SLC6A3: variants seen among roughly 807,000 people sequenced by gnomAD.
The protein encoded by SLC6A3 is solute carrier family 6 member 3.
In SLC6A3, 19 loss-of-function variants were observed where a neutral mutation model predicts 70.4. The observed-to-expected ratio is 0.27, with a 90% CI of 0.19 to 0.40. SLC6A3 has a LOEUF of 0.40. Among genes scored for constraint, SLC6A3 ranks in the 10% least tolerant of loss-of-function variants. The pLI is 1.00. For missense variants in SLC6A3, 613 were observed against 838.5 expected, an observed-to-expected ratio of 0.73 and a Z score of 3.32; for synonymous variants, 368 against 356.6, an observed-to-expected ratio of 1.03 and a Z score of -0.36.
chr5:1,416,237 G>T, intron 6 of SLC6A3, 36 bp from the exon 7 acceptor site: 1 of 1,526,220 alleles, frequency 6.6e-7, no homozygotes, highest in Non-Finnish European at 9.0e-7. Flanking sequence ...GCTGTCCCAG[G>T]AGAACGCAGG....
At chr5:1,444,815 C>T (rs1733759506) in intron 1 of SLC6A3, among the ~76,000 whole-genome samples, 1 of 152,214 alleles carries the variant, frequency 6.6e-6, no homozygotes, top group Non-Finnish European at 1.5e-5. Context: ...CGTCCTTCCT[C>T]ACCGCGCCCA....
At position 1,394,625 on chromosome 5, in the gene SLC6A3, G is replaced by T. The variant is rs1311885327; in HGVS notation, c.*110C>A. ...CTTTGTTGTTTGTGTTTTCAGTAGA[G>T]GTTGAAGAGTAGAAGTTGCCCTCCT... is the stretch of plus-strand genomic sequence containing the variant. On this transcript the variant is annotated 3_prime_UTR_variant, in exon 15 of 15. Coordinates refer to ENST00000270349, the MANE Select transcript of SLC6A3 (RefSeq NM_001044.5). This position sits in a 1 kb window ranked among gnomAD's most constrained non-coding sequence, Gnocchi z 4.7. 8 of 1,030,934 alleles carry T rather than the reference G, an allele frequency of 7.8e-6. No individual in the cohort carries two copies. The East Asian group carries it at 1.9e-4, about 24-fold the overall frequency. 63.9% of individuals were successfully genotyped at this position (1,030,934 alleles called of 1,614,324 possible). A position where few individuals can be genotyped will look rare whatever the true frequency, so the allele number is the denominator to read the frequency against.
rs777317571 is a variant in SLC6A3, at chr5:1,409,114, G to A, written c.1410C>T (p.Tyr470=). The A allele has an allele frequency of 3.5e-5, 57 of 1,610,138 alleles. No individual in the cohort carries two copies. In the East Asian group the frequency reaches 3.6e-4, roughly 10 times the overall value. Residue 470 remains tyrosine (Y), a synonymous_variant, in exon 11 of 15, where the codon TAC becomes TAT. Coordinates refer to ENST00000270349, the MANE Select transcript of SLC6A3 (RefSeq NM_001044.5). ...SLFCVTNGGI[Y]VFTLLDHFAA... ...CAAAATGGTCCAGGAGCGTGAAGAC[G>A]TAGATGCCACCCTGGAAGAGAGGGG... is the stretch of plus-strand genomic sequence containing the variant.
At chr5:1,425,815 A>G (rs1163357474) in intron 4 of SLC6A3, among the ~76,000 whole-genome samples, 1 of 152,220 alleles carries the variant, frequency 6.6e-6, no homozygotes, top group East Asian at 1.9e-4. Context: ...AAAACTCAAC[A>G]ACAAAAAAAC....
chr5:1,418,105 G>A (rs1756349784), intron 6 of SLC6A3, among the ~76,000 whole-genome samples: 1 of 152,188 alleles, frequency 6.6e-6, no homozygotes, highest in African/African-American at 2.4e-5. Context: ...TGGGCAGTGG[G>A]TGGAGAGGCT....
rs538556315 is a variant in SLC6A3 at position 1,397,506 on chromosome 5, C to A, written c.1840-2748G>T. Among the ~76,000 whole-genome samples the A allele has an allele frequency of 6.6e-6, 1 of 152,132 alleles. No homozygotes were observed. The highest frequency in any genetic ancestry group is 1.5e-5 in the Non-Finnish European group (1 of 68,036). Reference sequence around the variant, plus strand: ...ACACTCCGCAGTGAACCCGAGACACCGAAAGCAGAAGAAACTCGGCCGAGT... The same window carrying A: ...ACACTCCGCAGTGAACCCGAGACACAGAAAGCAGAAGAAACTCGGCCGAGT... On this transcript the variant is annotated intron_variant, in intron 14 of 14. Transcript: ENST00000270349. This position sits in a 1 kb window ranked among gnomAD's most constrained non-coding sequence, Gnocchi z 4.7.
rs910275128 is a variant in SLC6A3, at chr5:1,405,641, T to C, written c.1599+547A>G. 2.0e-5 allele frequency among the ~76,000 whole-genome samples: 3 copies of C among 151,982 alleles called. No individual in the cohort carries two copies. Among genetic ancestry groups the C allele is most frequent in the Non-Finnish European group, 4.4e-5 (3 of 68,000 alleles). On this transcript the variant is annotated intron_variant, in intron 12 of 14. Coordinates refer to ENST00000270349, the MANE Select transcript of SLC6A3 (RefSeq NM_001044.5). This position sits in a 1 kb window ranked among gnomAD's most constrained non-coding sequence, Gnocchi z 5.3. Reference sequence around the variant, plus strand: ...GTGTGCGGCCACCTTCCAACAAAACTCTATTTACAAACACCAGCGTCCGAC... The same window carrying C: ...GTGTGCGGCCACCTTCCAACAAAACCCTATTTACAAACACCAGCGTCCGAC...
At chr5:1,432,413 G>T in intron 4 of SLC6A3, 51 bp downstream of exon 4, 2 of 1,397,982 alleles carry the variant, frequency 1.4e-6, no homozygotes, top group South Asian at 1.2e-5. Context: ...CTACCATGGG[G>T]GACCTGGCTG....
At chr5:1,427,533 T>C (rs1408405298) in intron 4 of SLC6A3, among the ~76,000 whole-genome samples, 2 of 152,204 alleles carry the variant, frequency 1.3e-5, no homozygotes, top group African/African-American at 4.8e-5. Flanking sequence ...CTGACAATTA[T>C]TGAATGGAAA....
At chr5:1,439,691 T>C (rs927650217) in intron 3 of SLC6A3, among the ~76,000 whole-genome samples, 11 of 152,252 alleles carry the variant, frequency 7.2e-5, no homozygotes, top group Non-Finnish European at 1.3e-4. Flanking sequence ...CCAGAACTTC[T>C]ATGAGTATCC....
rs760878499 is a variant in SLC6A3, at chr5:1,401,329, T to A, written c.1768-343A>T. 9 of 530,970 alleles carry A rather than the reference T, an allele frequency of 1.7e-5. No individual in the cohort carries two copies. The highest frequency in any genetic ancestry group is 1.4e-4 in the South Asian group (9 of 64,884). 32.9% of individuals were successfully genotyped at this position (530,970 alleles called of 1,614,324 possible). A position where few individuals can be genotyped will look rare whatever the true frequency, so the allele number is the denominator to read the frequency against. ...GTCTAAGCTACCACGTGTGCTGGGC[T>A]CTGAGTAAGAAAGTGCCCACACCCA... On this transcript the variant is annotated intron_variant, in intron 13 of 14. Transcript: ENST00000270349. This position sits in a 1 kb window ranked among gnomAD's most constrained non-coding sequence, Gnocchi z 6.1.
rs1560901506 is a variant in SLC6A3, at chr5:1,393,613, ACGC to A, written c.*1119_*1121del. The A allele has an allele frequency of 2.1e-5, 3 of 140,026 alleles. No homozygotes were observed. The highest frequency in any genetic ancestry group is 8.1e-5 in the African/African-American group (3 of 36,828). 8.7% of individuals were successfully genotyped at this position (140,026 alleles called of 1,614,324 possible). A position where few individuals can be genotyped will look rare whatever the true frequency, so the allele number is the denominator to read the frequency against. On this transcript the variant is annotated 3_prime_UTR_variant, in exon 15 of 15. Transcript: ENST00000270349. ...CCCTGCATGCGTCCTGGGGTAGTAC[ACGC>A]TCCTGTGGGGGCCCTGCATGCATCC...
At chr5:1,428,904 C>T (rs1401009327) in intron 4 of SLC6A3, among the ~76,000 whole-genome samples, 1 of 152,240 alleles carries the variant, frequency 6.6e-6, no homozygotes, top group African/African-American at 2.4e-5. Context: ...TCTACTCTTG[C>T]TAACATCTTA....
intron 4 of SLC6A3, among the ~76,000 whole-genome samples, chr5:1,422,313 A>T (rs1478321096): frequency 1.3e-5 from 2 of 150,900 alleles, no homozygotes; most frequent in Non-Finnish European, 2.9e-5. Flanking sequence ...GTCTTTGAAG[A>T]AAAGGAGCCA....
At position 1,432,710 on chromosome 5, in the gene SLC6A3, G is replaced by C. The variant is rs460000; in HGVS notation, c.419-12C>G. 3.1e-6 allele frequency: 5 copies of C among 1,606,364 alleles called. No homozygotes were observed. In the Admixed American group the frequency reaches 8.4e-5, roughly 27 times the overall value. On this transcript the variant is annotated splice_polypyrimidine_tract_variant and intron_variant, in intron 3 of 14. Transcript: ENST00000270349. ...CGTGAAGCCCACACCTAGCGGGAAGGGGGAGGCCATGGAGCCCACGCAGGT... is the reference window on the plus strand; with the variant it reads ...CGTGAAGCCCACACCTAGCGGGAAGCGGGAGGCCATGGAGCCCACGCAGGT...
At chr5:1,429,774 G>C (rs1257913689) in intron 4 of SLC6A3, among the ~76,000 whole-genome samples, 1 of 152,152 alleles carries the variant, frequency 6.6e-6, no homozygotes, top group Non-Finnish European at 1.5e-5. Context: ...ACTTTCTCCT[G>C]CTGTCCCCTC....
At chr5:1,410,806 A>G (rs554519224) in intron 9 of SLC6A3, among the ~76,000 whole-genome samples, 5 of 151,834 alleles carry the variant, frequency 3.3e-5, no homozygotes, top group East Asian at 1.9e-4. Context: ...GTCTGTGTGT[A>G]TGTGTGTGTG....
Position 1,396,564 on chromosome 5 carries a change from G to A in SLC6A3, c.1840-1806C>T, listed in dbSNP as rs192977340. Among the ~76,000 whole-genome samples the A allele has an allele frequency of 4.1e-4, 62 of 152,364 alleles. No homozygotes were observed. In the East Asian group the frequency reaches 0.011, roughly 27 times the overall value. On this transcript the variant is annotated intron_variant, in intron 14 of 14. Transcript: ENST00000270349. This position sits in a 1 kb window ranked among gnomAD's most constrained non-coding sequence, Gnocchi z 7.0. The stretch of plus-strand genomic sequence containing the variant: ...GCAGTTTGCAGGCCAGAGCGCCAGA[G>A]AGGAGGTGGCCACACAGAGAGAAGA...
At position 1,438,620 on chromosome 5, in the gene SLC6A3, C is replaced by T. The variant is rs372419455; in HGVS notation, c.418+2739G>A. Among the ~76,000 whole-genome samples, 114 of 152,326 alleles carry T rather than the reference C, an allele frequency of 7.5e-4. 1 individual carries two copies. The highest frequency in any genetic ancestry group is 5.0e-3 in the South Asian group (24 of 4,828). On this transcript the variant is annotated intron_variant, in intron 3 of 14. Transcript: ENST00000270349. The surrounding 1 kb of genome is among the most constrained non-coding windows in gnomAD (Gnocchi z 6.5). ...GTGAACATCCTTTCTGTGTGACAGA[C>T]GGAAGGAAATGAGCTCTTATCTGCG...
Sources: gnomAD v4.1 joint callset for allele counts (sites outside exome capture counted in the v4.1 genomes callset) on GRCh38, gnomAD v4.1.1 for gene constraint, Gnocchi (gnomAD v3.1) non-coding constraint, MANE v1.5 for transcripts, NCBI Gene and HGNC (gene_info 2026-07-23, HGNC 2026-07-21) for gene names.